Variants in FYN observed in about 807,000 individuals in gnomAD.
The protein encoded by FYN is FYN proto-oncogene, Src family tyrosine kinase, also known as tyrosine-protein kinase Fyn.
Under a neutral mutation model 70.2 loss-of-function variants are expected in FYN, and 10 were observed. The observed-to-expected ratio is 0.14, with a 90% CI of 0.09 to 0.24. The LOEUF (loss-of-function observed/expected upper bound fraction) is 0.24. Ranked by LOEUF, FYN falls within the 10% of genes least tolerant of loss-of-function variation. The pLI is 1.00. For synonymous variants in FYN, 236 were observed against 248.6 expected (o/e 0.95, Z 0.48); for missense variants, 319 against 673.1 (o/e 0.47, Z 5.82).
At chr6:111,715,825 T>G (rs577946793) in intron 4 of FYN, among the ~76,000 whole-genome samples, 21 of 152,302 alleles carry the variant, frequency 1.4e-4, no homozygotes, top group African/African-American at 5.1e-4. Flanking sequence ...ACAGAAACTG[T>G]AAATTTAGGT....
intron 2 of FYN, among the ~76,000 whole-genome samples, chr6:111,809,504 C>T (rs1772256020): frequency 6.6e-6 from 1 of 152,186 alleles, no homozygotes; most frequent in Admixed American, 6.5e-5. Flanking sequence ...TAGGGATACA[C>T]CAGGTTATTT....
intron 3 of FYN, among the ~76,000 whole-genome samples, chr6:111,752,163 T>C (rs550363622): frequency 7.9e-5 from 12 of 152,238 alleles, no homozygotes; most frequent in African/African-American, 2.6e-4. Flanking sequence ...GGGAACTGAG[T>C]CTATTATTAA....
intron 2 of FYN, among the ~76,000 whole-genome samples, chr6:111,789,968 A>G (rs866324232): frequency 6.6e-6 from 1 of 152,146 alleles, no homozygotes; most frequent in African/African-American, 2.4e-5. Context: ...GTTAATAATG[A>G]TGTGTGCAGA....
At chr6:111,698,510 G>C (rs1423163044) in intron 9 of FYN, among the ~76,000 whole-genome samples, 1 of 152,096 alleles carries the variant, frequency 6.6e-6, no homozygotes, top group Non-Finnish European at 1.5e-5. Flanking sequence ...GATCGATATT[G>C]TTTTTAATGA....
intron 1 of FYN, among the ~76,000 whole-genome samples, chr6:111,852,737 G>GA (rs940882131): frequency 6.6e-5 from 10 of 150,428 alleles, no homozygotes; most frequent in South Asian, 2.1e-4. Context: ...AAGAAGCCAG[G>GA]AAAAAAAAAG....
chr6:111,802,237 C>T (rs1272503647), intron 2 of FYN, among the ~76,000 whole-genome samples: 1 of 151,270 alleles, frequency 6.6e-6, no homozygotes, highest in African/African-American at 2.5e-5. Flanking sequence ...CCCCTCTCCT[C>T]TCCCACTTCC....
intron 3 of FYN, among the ~76,000 whole-genome samples, chr6:111,777,162 C>A (rs1435049258): frequency 1.3e-5 from 2 of 152,234 alleles, no homozygotes; most frequent in East Asian, 3.9e-4. Flanking sequence ...TTGTTTTTAT[C>A]TTTAGTTGAC....
intron 6 of FYN, among the ~76,000 whole-genome samples, chr6:111,705,575 G>T (rs1583335329): frequency 6.6e-6 from 1 of 152,054 alleles, no homozygotes; most frequent in African/African-American, 2.4e-5. Flanking sequence ...GAGGCTAAGA[G>T]TGGTGGCTCA....
chr6:111,679,923 C>T (rs772493023), intron 12 of FYN, among the ~76,000 whole-genome samples: 9 of 151,972 alleles, frequency 5.9e-5, no homozygotes, highest in Non-Finnish European at 1.3e-4. Context: ...AGCAGAAAGA[C>T]GAGGTGGCAA....
chr6:111,742,384 T>C (rs1280190221), intron 3 of FYN, among the ~76,000 whole-genome samples: 1 of 152,194 alleles, frequency 6.6e-6, no homozygotes, highest in Non-Finnish European at 1.5e-5. Context: ...TTGTAATACA[T>C]CACGTTGTTA....
At chr6:111,791,221 A>G (rs1457495640) in intron 2 of FYN, among the ~76,000 whole-genome samples, 1 of 152,202 alleles carries the variant, frequency 6.6e-6, no homozygotes, top group African/African-American at 2.4e-5. Context: ...CCAAGAGAAT[A>G]AAATAGAATG....
intron 3 of FYN, among the ~76,000 whole-genome samples, chr6:111,763,470 G>C (rs1335004551): frequency 6.6e-6 from 1 of 152,212 alleles, no homozygotes; most frequent in African/African-American, 2.4e-5. Flanking sequence ...CTTTGGAGCG[G>C]ATATCAACAG....
chr6:111,791,623 T>C (rs1771625432), intron 2 of FYN, among the ~76,000 whole-genome samples: 3 of 151,898 alleles, frequency 2.0e-5, no homozygotes, highest in Admixed American at 6.6e-5. Flanking sequence ...AAGAAAGGAA[T>C]GCCAAGGATT....
intron 9 of FYN, among the ~76,000 whole-genome samples, chr6:111,698,678 C>A (rs1000584691): frequency 5.3e-5 from 8 of 152,322 alleles, no homozygotes; most frequent in Middle Eastern, 3.4e-3. Flanking sequence ...GTGCAGCCAG[C>A]CTTATCAATG....
chr6:111,734,827 A>C (rs1472931678), intron 3 of FYN, among the ~76,000 whole-genome samples: 8 of 152,190 alleles, frequency 5.3e-5, no homozygotes, highest in African/African-American at 1.9e-4. Context: ...CCCCAGCTCT[A>C]GCCTTTATTC....
At chr6:111,821,504 C>A (rs9384808) in intron 2 of FYN, among the ~76,000 whole-genome samples, 6,247 of 152,042 alleles carry the variant, frequency 0.041, 154 homozygotes, top group East Asian at 0.14. Context: ...TAAAGACTTA[C>A]ATGTTAGACC....
intron 3 of FYN, among the ~76,000 whole-genome samples, chr6:111,739,423 T>G (rs1431062391): frequency 1.3e-5 from 2 of 152,210 alleles, no homozygotes; most frequent in African/African-American, 4.8e-5. Flanking sequence ...CTTGGCCACA[T>G]GCCCACAGCC....
chr6:111,806,056 T>C (rs973177032), intron 2 of FYN, among the ~76,000 whole-genome samples: 2 of 152,162 alleles, frequency 1.3e-5, no homozygotes, highest in South Asian at 2.1e-4. Flanking sequence ...AGTAGGAAGC[T>C]GGGGTTTACG....
rs113682555 is a variant in FYN at position 111,704,457 on chromosome 6, A to G, written c.444-355T>C. Among the ~76,000 whole-genome samples the G allele has an allele frequency of 7.9e-3, 1,206 of 152,300 alleles. 18 individuals are homozygous for G. Among genetic ancestry groups the G allele is most frequent in the African/African-American group, 0.028 (1,157 of 41,576 alleles). ...ACTGCAGGAGACCCTTTCCACACTT[A>G]TCTAAAAGACTCTAGTCTGGGCATG... On this transcript the variant is annotated intron_variant, in intron 6 of 13. Transcript: ENST00000354650.
Sources: allele counts gnomAD v4.1 joint callset (sites outside exome capture counted in the v4.1 genomes callset), GRCh38; gene constraint gnomAD v4.1.1; transcripts MANE v1.5; gene names NCBI Gene and HGNC (gene_info 2026-07-23, HGNC 2026-07-21).